GPAM: variants seen among roughly 807,000 people sequenced by gnomAD.
The protein encoded by GPAM is glycerol-3-phosphate acyltransferase 1, mitochondrial.
GPAM carries 56 observed loss-of-function variants against 105.0 expected under a neutral mutation model. That is an observed-to-expected ratio of 0.53 (90% confidence interval 0.43 to 0.67). The LOEUF (loss-of-function observed/expected upper bound fraction) is 0.67. Ranked by LOEUF, GPAM falls within the 30% of genes least tolerant of loss-of-function variation. GPAM has a pLI of 0.00. For missense variants in GPAM, 855 were observed against 989.8 expected (o/e 0.86, Z 1.83); for synonymous variants, 368 against 354.4 (o/e 1.04, Z -0.43).
chr10:112,207,544 AATGAT>A (rs1184469360), intron 1 of GPAM, among the ~76,000 whole-genome samples: 18 of 152,230 alleles, frequency 1.2e-4, no homozygotes, highest in Admixed American at 1.1e-3. Context: ...AACCAAACAC[AATGAT>A]CAAGCCAAAT....
intron 1 of GPAM, among the ~76,000 whole-genome samples, chr10:112,210,182 G>A (rs536218248): frequency 2.0e-5 from 3 of 152,356 alleles, no homozygotes; most frequent in South Asian, 4.1e-4. Flanking sequence ...ATATTTCATT[G>A]CACATATACT....
At chr10:112,220,939 C>T in the GPAM span, among the ~76,000 whole-genome samples, 1 of 151,686 alleles carries the variant, frequency 6.6e-6, no homozygotes, top group Non-Finnish European at 1.5e-5. Context: ...CACCAGGCAG[C>T]CAATATAAAT....
At chr10:112,169,872 C>T (rs959636986) in intron 9 of GPAM, among the ~76,000 whole-genome samples, 1 of 152,178 alleles carries the variant, frequency 6.6e-6, no homozygotes, top group African/African-American at 2.4e-5. Flanking sequence ...ATTAGATTCT[C>T]ATAGGATAGG....
intron 1 of GPAM, among the ~76,000 whole-genome samples, chr10:112,213,606 A>G (rs991004168): frequency 6.6e-6 from 1 of 152,148 alleles, no homozygotes; most frequent in African/African-American, 2.4e-5. Context: ...TAGTGGTCCA[A>G]TAAGGGGAAG....
intron 15 of GPAM, among the ~76,000 whole-genome samples, 153 bp from the exon 16 acceptor site, chr10:112,161,021 G>A (rs898044597): frequency 1.3e-5 from 2 of 152,150 alleles, no homozygotes; most frequent in Non-Finnish European, 1.5e-5. Context: ...AATGCAGAGC[G>A]AGTCAGAAAA....
Position 112,193,666 on chromosome 10 carries a change from T to C in GPAM, n.211-10775A>G, listed in dbSNP as rs554508827. Among the ~76,000 whole-genome samples, 3 of 152,226 alleles carry C rather than the reference T, an allele frequency of 2.0e-5. No homozygotes were observed. The South Asian group carries it at 6.2e-4, about 32-fold the overall frequency. ...TCTACCTGATACTAAAGCCCAAACA[T>C]ACAAGGGATATATTATTCAGCTAGC... On this transcript the variant is annotated intron_variant and non_coding_transcript_variant, in intron 1 of 3. Transcript: ENST00000480130.
intron 4 of GPAM, among the ~76,000 whole-genome samples, chr10:112,179,939 A>AG (rs1847477826): frequency 1.3e-5 from 2 of 152,194 alleles, no homozygotes; most frequent in African/African-American, 4.8e-5. Flanking sequence ...AAGATATTGC[A>AG]TGGCTTGTGT....
rs1846942838 is a variant in GPAM, at chr10:112,152,747, C to A, written c.*803G>T. 3.7e-5 allele frequency: 35 copies of A among 941,832 alleles called. No individual in the cohort carries two copies. The highest frequency in any genetic ancestry group is 4.4e-5 in the Non-Finnish European group (35 of 790,254). 58.3% of individuals were successfully genotyped at this position (941,832 alleles called of 1,614,324 possible). On this transcript the variant is annotated 3_prime_UTR_variant, in exon 22 of 22. Coordinates refer to ENST00000348367, the MANE Select transcript of GPAM (RefSeq NM_001244949.2). ...GTACAGACATAAAACAGGAAGGGTTCTAAATATATTTGCTGGTCATTTGAA... is the reference window on the plus strand; with the variant it reads ...GTACAGACATAAAACAGGAAGGGTTATAAATATATTTGCTGGTCATTTGAA...
chr10:112,150,885 T>C lies in GPAM; in HGVS notation c.*2665A>G. 1.0e-6 allele frequency: 1 copy of C among 985,324 alleles called. No homozygotes were observed. Among genetic ancestry groups the C allele is most frequent in the South Asian group, 4.7e-5 (1 of 21,284 alleles). 61.0% of individuals were successfully genotyped at this position (985,324 alleles called of 1,614,324 possible). ...CCACAATTTGGGCTTACATTCATTG[T>C]AATCCCAGAAATATTTTCTCCATTT... On this transcript the variant is annotated 3_prime_UTR_variant, in exon 22 of 22. Transcript: ENST00000348367.
At chr10:112,163,025 A>C (rs1847149918) in intron 14 of GPAM, among the ~76,000 whole-genome samples, 1 of 152,152 alleles carries the variant, frequency 6.6e-6, no homozygotes, top group Non-Finnish European at 1.5e-5. Flanking sequence ...GTCCTGGCCC[A>C]GAGAGCAGCA....
At chr10:112,194,995 A>T (rs1847706125) in intron 1 of GPAM, among the ~76,000 whole-genome samples, 1 of 152,018 alleles carries the variant, frequency 6.6e-6, no homozygotes, top group Admixed American at 6.6e-5. Flanking sequence ...CACTATCCTA[A>T]TCCAAAATAT....
the GPAM span, among the ~76,000 whole-genome samples, chr10:112,221,860 A>G: frequency 1.3e-5 from 2 of 152,370 alleles, no homozygotes; most frequent in South Asian, 4.1e-4. Flanking sequence ...TATAAAATGC[A>G]GATAATAACG....
Position 112,154,655 on chromosome 10 carries a change from C to T in GPAM, c.2344G>A (p.Ala782Thr). ...CCAATATCCTTAAACATTTTCACAG[C>T]ATTCTTCACAAGACAATATGTGGCA... Reference protein sequence around the residue: ...ESATYCLVKNAVKMFKDIGVF... With the variant: ...ESATYCLVKNTVKMFKDIGVF... The change falls in exon 21 of 22, where the codon GCT (alanine) becomes ACT (threonine). Residue 782 changes from alanine to threonine, a missense_variant. Transcript: ENST00000348367. The T allele has an allele frequency of 6.2e-7, 1 of 1,609,596 alleles. No individual in the cohort carries two copies. The highest frequency in any genetic ancestry group is 8.5e-7 in the Non-Finnish European group (1 of 1,175,896).
chr10:112,180,706 T>TG, intron 3 of GPAM, 111 bp from the exon 4 acceptor site: 1 of 985,352 alleles, frequency 1.0e-6, no homozygotes, highest in African/African-American at 1.6e-5. Context: ...TGGCATATTC[T>TG]GGGTGATTTT....
In GPAM at chr10:112,163,687, G is replaced by A. The variant is rs781070298; in HGVS notation, c.1423+14C>T. 2 of 1,091,942 alleles carry A rather than the reference G, an allele frequency of 1.8e-6. No homozygotes were observed. The highest frequency in any genetic ancestry group is 2.8e-6 in the Non-Finnish European group (2 of 702,878). The allele number at this position is 1,091,942 out of a possible 1,614,324, so 67.6% of individuals were successfully genotyped here. ...TCTAAATTGTAGAATTAAAGAGTCT[G>A]GTATTCTACTTACTGAATAGAATAT... On this transcript the variant is annotated intron_variant, in intron 14 of 21. Transcript: ENST00000348367.
intron 19 of GPAM, chr10:112,157,009 G>T: frequency 1.6e-6 from 1 of 609,358 alleles, no homozygotes; most frequent in Non-Finnish European, 2.9e-6. Context: ...ATAAAAGGAT[G>T]GTGAAAGTCT....
rs1364617186 is a variant in GPAM, at chr10:112,160,791, C to A, written c.1572G>T (p.Gly524=). The A allele has an allele frequency of 1.9e-6, 3 of 1,613,748 alleles. No homozygotes were observed. Among genetic ancestry groups the A allele is most frequent in the Non-Finnish European group, 2.5e-6 (3 of 1,179,796 alleles). ...CTACATCTTCTGAATTTCCTGAGAACCCCAGGTCAAAATCACGAGCCAGGA... is the reference window on the plus strand; with the variant it reads ...CTACATCTTCTGAATTTCCTGAGAAACCCAGGTCAAAATCACGAGCCAGGA... ...EEVLARDFDL[G]FSGNSEDVVM... The change falls in exon 16 of 22, where the codon GGG becomes GGT. Residue 524 remains glycine, a synonymous_variant. Transcript: ENST00000348367.
At chr10:112,156,564 G>A in intron 19 of GPAM, 1 of 182,046 alleles carries the variant, frequency 5.5e-6, no homozygotes, top group Non-Finnish European at 1.2e-5. Context: ...GTGCTTTATG[G>A]CCGAGAGGCT....
At chr10:112,213,525 C>A (rs180947955) in intron 1 of GPAM, among the ~76,000 whole-genome samples, 36 of 152,258 alleles carry the variant, frequency 2.4e-4, no homozygotes, top group African/African-American at 7.9e-4. Flanking sequence ...AAGGCATGAA[C>A]CCTGCCTTCA....
Sources: allele counts gnomAD v4.1 joint callset (sites outside exome capture counted in the v4.1 genomes callset), GRCh38; gene constraint gnomAD v4.1.1; transcripts MANE v1.5; gene names NCBI Gene and HGNC (gene_info 2026-07-23, HGNC 2026-07-21).